RAP1GAP: variants seen among roughly 807,000 people sequenced by gnomAD.
RAP1GAP encodes RAP1 GTPase activating protein.
RAP1GAP carries 35 observed loss-of-function variants against 87.2 expected under a neutral mutation model. The ratio of observed to expected loss-of-function variants is 0.40; its 90% confidence interval spans 0.31 to 0.53. RAP1GAP has a LOEUF of 0.53. Ranked by LOEUF, RAP1GAP falls within the 20% of genes least tolerant of loss-of-function variation. The pLI is 0.48. For synonymous variants in RAP1GAP, 375 were observed against 363.9 expected (o/e 1.03, Z -0.35); for missense variants, 734 against 898.9 (o/e 0.82, Z 2.35).
At chr1:21,611,948 T>C in intron 11 of RAP1GAP, 78 bp downstream of exon 11, 1 of 1,476,934 alleles carries the variant, frequency 6.8e-7, no homozygotes. Flanking sequence ...CCTTGGCCGG[T>C]GTGCTGCCCT....
chr1:21,609,749 G>T lies in RAP1GAP; in HGVS notation c.1000-103C>A, dbSNP rs2077060682. 6.1e-6 allele frequency: 5 copies of T among 825,480 alleles called. No homozygotes were observed. The highest frequency in any genetic ancestry group is 2.7e-5 in the East Asian group (1 of 36,670). 51.1% of individuals were successfully genotyped at this position (825,480 alleles called of 1,614,324 possible). On this transcript the variant is annotated intron_variant, in intron 14 of 24. Coordinates refer to ENST00000374765, the MANE Select transcript of RAP1GAP (RefSeq NM_002885.4). This position sits in a 1 kb window ranked among gnomAD's most constrained non-coding sequence, Gnocchi z 4.4. ...GCCTCCCTGGACTGCCCCTTGGTCG[G>T]GGAGACCCAGTGACTGTGGGCTGGA...
intron 2 of RAP1GAP, among the ~76,000 whole-genome samples, chr1:21,636,002 C>T (rs982789574): frequency 9.1e-4 from 139 of 152,360 alleles, no homozygotes; most frequent in African/African-American, 3.1e-3. Context: ...GGACCTTAGA[C>T]TCTTCTAAGT....
intron 2 of RAP1GAP, among the ~76,000 whole-genome samples, chr1:21,642,906 A>ACACACACACACACT (rs1164354455): frequency 3.3e-5 from 5 of 150,870 alleles, no homozygotes; most frequent in African/African-American, 9.8e-5. Flanking sequence ...ACACACACAC[A>ACACACACACACACT]CACACACACT....
In RAP1GAP at chr1:21,617,335, G is replaced by C. The variant is rs778460535; in HGVS notation, c.262C>G (p.Arg88Gly). ...CCGAGAAAGTGCTTCCGGTAGATGC[G>C]GGCTGTGGGGTTGCACTCGAGCTTC... Reference protein sequence around the residue: ...KVKLECNPTARIYRKHFLGKE... With the variant: ...KVKLECNPTAGIYRKHFLGKE... Residue 88 changes from arginine to glycine, a missense_variant, in exon 7 of 25, where the codon CGC becomes GGC. Coordinates refer to ENST00000374765, the MANE Select transcript of RAP1GAP (RefSeq NM_002885.4). 8.8e-6 allele frequency: 14 copies of C among 1,590,538 alleles called. No homozygotes were observed. The highest frequency in any genetic ancestry group is 1.2e-5 in the Non-Finnish European group (14 of 1,168,264).
At chr1:21,663,370 C>T (rs550986945) in intron 1 of RAP1GAP, among the ~76,000 whole-genome samples, 6 of 152,190 alleles carry the variant, frequency 3.9e-5, no homozygotes, top group African/African-American at 1.2e-4. Flanking sequence ...AGTCTGCCAG[C>T]GGGTGGATGG....
Position 21,619,996 on chromosome 1 carries a change from G to T in RAP1GAP, c.18+19C>A, listed in dbSNP as rs1375850292. The T allele has an allele frequency of 6.2e-7, 1 of 1,613,592 alleles. No homozygotes were observed. Among genetic ancestry groups the T allele is most frequent in the Admixed American group, 1.7e-5 (1 of 60,016 alleles). The stretch of plus-strand genomic sequence containing the variant: ...CCAGCTCTGTGGCTCCCCAGAACAG[G>T]CCACAGAGCCATCCTCACCTGCATC... On this transcript the variant is annotated intron_variant, in intron 4 of 24. Coordinates refer to ENST00000374765, the MANE Select transcript of RAP1GAP (RefSeq NM_002885.4).
At chr1:21,641,074 ATTTTTTT>A (rs546229041) in intron 2 of RAP1GAP, among the ~76,000 whole-genome samples, 1 of 132,134 alleles carries the variant, frequency 7.6e-6, no homozygotes, top group Non-Finnish European at 1.6e-5. Flanking sequence ...CGCCCAGCTA[ATTTTTTT>A]TTTTTTTTTT....
At chr1:21,644,900 C>CAAAAAAA (rs34783815) in intron 2 of RAP1GAP, among the ~76,000 whole-genome samples, 134 of 114,538 alleles carry the variant, frequency 1.2e-3, no homozygotes, top group African/African-American at 4.5e-3. Context: ...GACCCTGTCT[C>CAAAAAAA]AAAAAAAAAA....
chr1:21,655,536 C>T (rs957775464), intron 1 of RAP1GAP, among the ~76,000 whole-genome samples: 1 of 152,256 alleles, frequency 6.6e-6, no homozygotes, highest in Non-Finnish European at 1.5e-5. Flanking sequence ...CCGCAGTCAG[C>T]ACGGGGTGCT....
intron 1 of RAP1GAP, among the ~76,000 whole-genome samples, chr1:21,659,341 A>G (rs2097010050): frequency 6.6e-6 from 1 of 152,142 alleles, no homozygotes. Flanking sequence ...CCCCGGGAGC[A>G]TCTCAGAGAA....
chr1:21,663,373 G>A (rs1038118552), intron 1 of RAP1GAP, among the ~76,000 whole-genome samples: 2 of 152,216 alleles, frequency 1.3e-5, no homozygotes, highest in African/African-American at 4.8e-5. Context: ...CTGCCAGCGG[G>A]TGGATGGCCT....
intron 4 of RAP1GAP, among the ~76,000 whole-genome samples, chr1:21,619,508 G>A (rs1264543510): frequency 2.0e-5 from 3 of 151,964 alleles, no homozygotes; most frequent in African/African-American, 7.3e-5. Flanking sequence ...AAGATCAGAG[G>A]GTATTCAAGG....
rs1208712130 is a variant in RAP1GAP at position 21,613,436 on chromosome 1, AGGGGAC to A, written c.474+186_474+191del. On this transcript the variant is annotated intron_variant, in intron 9 of 24. Transcript: ENST00000374765. This position sits in a 1 kb window ranked among gnomAD's most constrained non-coding sequence, Gnocchi z 4.7. ...TAGAGAAAACCAAAAGCACACAGGC[AGGGGAC>A]GGGGGCCTAGGAGAACACGTGGCAG... Among the ~76,000 whole-genome samples the A allele has an allele frequency of 5.9e-5, 9 of 152,306 alleles. No homozygotes were observed. In the South Asian group the frequency reaches 1.0e-3, roughly 18 times the overall value.
intron 23 of RAP1GAP, 42 bp from the exon 24 acceptor site, chr1:21,597,770 A>G: frequency 1.2e-6 from 2 of 1,610,540 alleles, no homozygotes. Flanking sequence ...GCAAGACGGG[A>G]GAAGCAACGG....
chr1:21,608,131 C>T, intron 17 of RAP1GAP, 82 bp downstream of exon 17: 1 of 1,551,212 alleles, frequency 6.4e-7, no homozygotes, highest in South Asian at 1.2e-5. Flanking sequence ...CACGCCGTGT[C>T]CATCAGTCTA....
chr1:21,654,059 C>T (rs1453414009), intron 1 of RAP1GAP, among the ~76,000 whole-genome samples: 1 of 129,850 alleles, frequency 7.7e-6, no homozygotes, highest in African/African-American at 3.1e-5. Context: ...CTGCTCTGAC[C>T]AGCTGCAGCT....
chr1:21,613,519 GC>G lies in RAP1GAP; in HGVS notation c.474+108del. 1 of 1,079,622 alleles carries G rather than the reference GC, an allele frequency of 9.3e-7. No homozygotes were observed. The highest frequency in any genetic ancestry group is 1.4e-6 in the Non-Finnish European group (1 of 705,002). The allele number at this position is 1,079,622 out of a possible 1,614,324, so 66.9% of individuals were successfully genotyped here. A position where few individuals can be genotyped will look rare whatever the true frequency, so the allele number is the denominator to read the frequency against. ...AGACAGCCTCAGGATAGGGCGGCAG[GC>G]CAGGGCTAGGGCCTACAGCTGAAGG... On this transcript the variant is annotated intron_variant, in intron 9 of 24. Transcript: ENST00000374765. The surrounding 1 kb of genome is among the most constrained non-coding windows in gnomAD (Gnocchi z 4.7).
rs950848182 is a variant in RAP1GAP at position 21,609,947 on chromosome 1, G to A, written c.999+173C>T. On this transcript the variant is annotated intron_variant, in intron 14 of 24. Transcript: ENST00000374765. The surrounding 1 kb of genome is among the most constrained non-coding windows in gnomAD (Gnocchi z 4.4). ...GAGGAGGGAAACTGTCCTCTCTGAG[G>A]GGGTGAGCTTTGGGGACGACAGGGG... 2.6e-5 allele frequency among the ~76,000 whole-genome samples: 4 copies of A among 152,196 alleles called. No homozygotes were observed. The highest frequency in any genetic ancestry group is 9.7e-5 in the African/African-American group (4 of 41,436).
intron 6 of RAP1GAP, among the ~76,000 whole-genome samples, chr1:21,617,694 C>T (rs754010656): frequency 1.3e-5 from 2 of 152,222 alleles, no homozygotes; most frequent in Admixed American, 6.5e-5. Flanking sequence ...AAGTCTCTAA[C>T]AGGGGGTGTG....
Sources: gnomAD v4.1 joint callset for allele counts (sites outside exome capture counted in the v4.1 genomes callset) on GRCh38, gnomAD v4.1.1 for gene constraint, Gnocchi (gnomAD v3.1) non-coding constraint, MANE v1.5 for transcripts, NCBI Gene and HGNC (gene_info 2026-07-23, HGNC 2026-07-21) for gene names.